The following MAGI2 variants were observed in gnomAD, a reference collection of about 807,000 sequenced individuals.
The protein encoded by MAGI2 is membrane-associated guanylate kinase, WW and PDZ domain-containing protein 2.
A neutral mutation model predicts 133.3 loss-of-function variants in MAGI2; 35 were observed. The observed-to-expected ratio is 0.26, with a 90% CI of 0.20 to 0.35. MAGI2 has a LOEUF of 0.35. Ranked by LOEUF, MAGI2 falls within the 10% of genes least tolerant of loss-of-function variation. The pLI is 1.00. For missense variants in MAGI2, 1,636 were observed against 1,863.4 expected (o/e 0.88, Z 2.25); for synonymous variants, 729 against 710.6 (o/e 1.03, Z -0.41).
chr7:78,688,001 A>G (rs1193538099), intron 2 of MAGI2, among the ~76,000 whole-genome samples: 1 of 136,474 alleles, frequency 7.3e-6, no homozygotes, highest in Non-Finnish European at 1.6e-5. Flanking sequence ...AAAAAAAAAA[A>G]GAAAAAAGAA....
chr7:79,162,156 T>C (rs907721966), intron 1 of MAGI2, among the ~76,000 whole-genome samples: 1 of 152,108 alleles, frequency 6.6e-6, no homozygotes, highest in South Asian at 2.1e-4. Flanking sequence ...GATTGAATAA[T>C]TATTCTTGGC....
intron 1 of MAGI2, among the ~76,000 whole-genome samples, chr7:79,329,063 TG>T (rs1329464988): frequency 6.6e-6 from 1 of 152,184 alleles, no homozygotes; most frequent in Non-Finnish European, 1.5e-5. Context: ...ATGATTCTGG[TG>T]ATAAGATTTC....
At chr7:79,284,299 C>T (rs1233540951) in intron 1 of MAGI2, among the ~76,000 whole-genome samples, 3 of 152,020 alleles carry the variant, frequency 2.0e-5, no homozygotes, top group Admixed American at 6.6e-5. Context: ...CAACTCATTC[C>T]CATAATAAAT....
intron 11 of MAGI2, among the ~76,000 whole-genome samples, chr7:78,198,083 C>T (rs1322635487): frequency 1.3e-5 from 2 of 152,200 alleles, no homozygotes; most frequent in African/African-American, 4.8e-5. Context: ...GGTCGATGGG[C>T]CTCACTTGCT....
chr7:78,774,655 A>G (rs140245656), intron 2 of MAGI2, among the ~76,000 whole-genome samples: 70 of 152,334 alleles, frequency 4.6e-4, no homozygotes, highest in African/African-American at 1.5e-3. Context: ...AGTGTCTCAC[A>G]TTCACTTTGC....
At chr7:78,737,774 A>C (rs1343265394) in intron 2 of MAGI2, among the ~76,000 whole-genome samples, 3 of 152,152 alleles carry the variant, frequency 2.0e-5, no homozygotes, top group Non-Finnish European at 4.4e-5. Flanking sequence ...AAATGAATAA[A>C]TATTTCTAAA....
intron 6 of MAGI2, among the ~76,000 whole-genome samples, chr7:78,455,460 G>A (rs1191860926): frequency 6.6e-6 from 1 of 152,102 alleles, no homozygotes; most frequent in Non-Finnish European, 1.5e-5. Context: ...AATGTAGACA[G>A]AATAAGACCA....
intron 10 of MAGI2, among the ~76,000 whole-genome samples, chr7:78,239,320 T>A (rs1289104611): frequency 6.6e-6 from 1 of 151,936 alleles, no homozygotes; most frequent in Non-Finnish European, 1.5e-5. Flanking sequence ...GAAGAAAACA[T>A]AGGGGAAAAG....
intron 2 of MAGI2, among the ~76,000 whole-genome samples, chr7:78,745,285 T>A (rs1337888384): frequency 6.6e-6 from 1 of 152,164 alleles, no homozygotes; most frequent in African/African-American, 2.4e-5. Context: ...AGAGCTCAGA[T>A]TTGAACCTCT....
chr7:79,041,670 A>G (rs1811682700), intron 1 of MAGI2, among the ~76,000 whole-genome samples: 3 of 152,300 alleles, frequency 2.0e-5, no homozygotes. Flanking sequence ...AAAAACAAAT[A>G]GATAAATGAA....
intron 1 of MAGI2, among the ~76,000 whole-genome samples, chr7:79,339,488 C>G (rs1840731818): frequency 7.0e-6 from 1 of 142,828 alleles, no homozygotes; most frequent in Non-Finnish European, 1.5e-5. Context: ...TGAGGAATCA[C>G]TAAAATTTGT....
chr7:78,271,710 C>T (rs1043124531), intron 9 of MAGI2, among the ~76,000 whole-genome samples: 1 of 152,086 alleles, frequency 6.6e-6, no homozygotes, highest in Non-Finnish European at 1.5e-5. Flanking sequence ...GGAATTTATC[C>T]ATTTCTTCTA....
intron 1 of MAGI2, among the ~76,000 whole-genome samples, chr7:79,147,989 G>A (rs145669632): frequency 3.9e-4 from 59 of 152,246 alleles, no homozygotes; most frequent in African/African-American, 1.4e-3. Context: ...CATAGATAAA[G>A]GGTTTCTAGT....
At chr7:78,213,339 C>G (rs556010354) in intron 10 of MAGI2, among the ~76,000 whole-genome samples, 12 of 152,228 alleles carry the variant, frequency 7.9e-5, no homozygotes, top group African/African-American at 2.9e-4. Context: ...TTCCAGAAGT[C>G]CTGATAAAGG....
At chr7:78,773,683 C>A (rs1825764202) in intron 2 of MAGI2, among the ~76,000 whole-genome samples, 1 of 152,014 alleles carries the variant, frequency 6.6e-6, no homozygotes, top group Non-Finnish European at 1.5e-5. Context: ...AATAGGTAAC[C>A]CTCGAACTGA....
At chr7:79,029,728 A>G (rs1200436451) in intron 1 of MAGI2, among the ~76,000 whole-genome samples, 1 of 152,184 alleles carries the variant, frequency 6.6e-6, no homozygotes, top group Non-Finnish European at 1.5e-5. Flanking sequence ...TCAAAGTTTT[A>G]AAATATTTAT....
At chr7:78,766,652 G>C (rs189758101) in intron 2 of MAGI2, among the ~76,000 whole-genome samples, 14 of 152,308 alleles carry the variant, frequency 9.2e-5, no homozygotes, top group Admixed American at 2.0e-4. Flanking sequence ...TATTCTAACT[G>C]TTCCTCCACA....
At chr7:78,021,571 G>A (rs1808398998) in intron 21 of MAGI2, among the ~76,000 whole-genome samples, 1 of 152,216 alleles carries the variant, frequency 6.6e-6, no homozygotes, top group Non-Finnish European at 1.5e-5. Flanking sequence ...GAGGAAAAGG[G>A]CAGTGGCAAT....
intron 1 of MAGI2, among the ~76,000 whole-genome samples, chr7:79,316,267 A>C (rs1838714501): frequency 6.7e-6 from 1 of 150,284 alleles, no homozygotes; most frequent in African/African-American, 2.5e-5. Flanking sequence ...TACCACCACC[A>C]CCCCCCCACT....
Sources: gnomAD v4.1 joint callset for allele counts (sites outside exome capture counted in the v4.1 genomes callset) on GRCh38, gnomAD v4.1.1 for gene constraint, MANE v1.5 for transcripts, NCBI Gene and HGNC (gene_info 2026-07-23, HGNC 2026-07-21) for gene names.